Variants in MYOT observed in about 807,000 individuals in gnomAD.
MYOT encodes the protein 57 kDa cytoskeletal protein.
In MYOT, 36 loss-of-function variants were observed where a neutral mutation model predicts 58.0. The observed-to-expected ratio is 0.62, with a 90% confidence interval of 0.48 to 0.82. The LOEUF (loss-of-function observed/expected upper bound fraction) is 0.82. Among genes scored for constraint, MYOT ranks in the 40% least tolerant of loss-of-function variants. The pLI is 0.00. For missense variants in MYOT, 505 were observed against 592.1 expected (o/e 0.85, Z 1.53); for synonymous variants, 218 against 204.6 (o/e 1.07, Z -0.56).
intron 2 of MYOT, among the ~76,000 whole-genome samples, chr5:137,874,401 A>C (rs1367473868): frequency 1.3e-5 from 2 of 152,320 alleles, no homozygotes; most frequent in East Asian, 3.9e-4. Context: ...CGGGAGGCAG[A>C]GGTTGCAGTG....
At chr5:137,881,258 A>C (rs1755420856) in intron 5 of MYOT, among the ~76,000 whole-genome samples, 1 of 152,258 alleles carries the variant, frequency 6.6e-6, no homozygotes, top group Admixed American at 6.5e-5. Context: ...AGATGTTTCT[A>C]AATTGCTACC....
chr5:137,876,528 G>A (rs1755226708), intron 3 of MYOT, among the ~76,000 whole-genome samples: 1 of 152,212 alleles, frequency 6.6e-6, no homozygotes, highest in African/African-American at 2.4e-5. Flanking sequence ...ACTTCTGGCT[G>A]GGTGCAGTGG....
intron 3 of MYOT, 126 bp downstream of exon 3, chr5:137,876,129 G>A (rs1427776516): frequency 3.0e-6 from 3 of 1,005,098 alleles, no homozygotes; most frequent in African/African-American, 3.3e-5. Flanking sequence ...TAAAAAGAAG[G>A]AATATTTGGG....
At chr5:137,875,051 T>C (rs1051859513) in intron 2 of MYOT, among the ~76,000 whole-genome samples, 2 of 152,176 alleles carry the variant, frequency 1.3e-5, no homozygotes, top group African/African-American at 4.8e-5. Flanking sequence ...TAACATGAAA[T>C]CATAGGAAGC....
chr5:137,881,726 T>C (rs1398120988), intron 5 of MYOT, among the ~76,000 whole-genome samples: 2 of 152,146 alleles, frequency 1.3e-5, no homozygotes, highest in Non-Finnish European at 2.9e-5. Flanking sequence ...AGACAGACTC[T>C]CACTCTGTCA....
At chr5:137,876,032 G>C in intron 3 of MYOT, 29 bp downstream of exon 3, 1 of 1,610,656 alleles carries the variant, frequency 6.2e-7, no homozygotes, top group Non-Finnish European at 8.5e-7. Context: ...TTGTACAAAA[G>C]GCCAATTAAA....
In MYOT at chr5:137,882,114, AG is replaced by A. The variant is rs1219090766; in HGVS notation, c.816+12del. ...GCAGAATGGACTTCAAAGTAAGAGA[AG>A]GGTTCAAAAGTACTGGGGGAAAATT... On this transcript the variant is annotated intron_variant, in intron 6 of 9. Coordinates refer to ENST00000239926, the MANE Select transcript of MYOT (RefSeq NM_006790.3). 1 of 1,614,098 alleles carries A rather than the reference AG, an allele frequency of 6.2e-7. No homozygotes were observed. The highest frequency in any genetic ancestry group is 8.5e-7 in the Non-Finnish European group (1 of 1,179,944).
chr5:137,886,772 G>GT, intron 8 of MYOT, 92 bp from the exon 9 acceptor site: 1 of 968,648 alleles, frequency 1.0e-6, no homozygotes, highest in Non-Finnish European at 1.6e-6. Context: ...ATTTTCAAAT[G>GT]TTTTTTTCTT....
chr5:137,877,415 GA>G, intron 3 of MYOT, 104 bp from the exon 4 acceptor site: 1 of 568,912 alleles, frequency 1.8e-6, no homozygotes, highest in African/African-American at 2.0e-5. Flanking sequence ...TCAATAGATA[GA>G]ACTATGCTTC....
At chr5:137,880,691 G>A (rs569488292) in intron 4 of MYOT, 125 bp from the exon 5 acceptor site, 1 of 773,760 alleles carries the variant, frequency 1.3e-6, no homozygotes, top group East Asian at 2.7e-5. Flanking sequence ...TGAATATATA[G>A]AACTTACCAG....
At chr5:137,883,307 A>C (rs1431030311) in intron 6 of MYOT, 77 bp from the exon 7 acceptor site, 20 of 1,258,564 alleles carry the variant, frequency 1.6e-5, no homozygotes, top group Non-Finnish European at 2.3e-5. Context: ...GAACTGTTTA[A>C]ATTCATATAT....
At chr5:137,885,961 C>A (rs1450782848) in intron 7 of MYOT, 87 bp from the exon 8 acceptor site, 2 of 878,136 alleles carry the variant, frequency 2.3e-6, no homozygotes, top group Non-Finnish European at 3.5e-6. Context: ...ATTTTAATAT[C>A]AACATACAAA....
chr5:137,885,771 C>CAAAAAAAAAA (rs71583286), intron 7 of MYOT, among the ~76,000 whole-genome samples: 6 of 30,976 alleles, frequency 1.9e-4, no homozygotes, highest in Non-Finnish European at 3.0e-4. Flanking sequence ...GACTCTGTCT[C>CAAAAAAAAAA]AAAAAAAAAA....
At position 137,883,581 on chromosome 5, in the gene MYOT, G is replaced by A; in HGVS notation, c.1014G>A (p.Leu338=). 1 of 1,614,054 alleles carries A rather than the reference G, an allele frequency of 6.2e-7. No homozygotes were observed. The part of the protein sequence containing the change: ...RAGEATFTVQ[L]DVLAKEHKRA... ...GAGAAGCCACCTTCACTGTGCAGCTGGATGTCCTTGGTAAGCCTCCAAAGA... is the reference window on the plus strand; with the variant it reads ...GAGAAGCCACCTTCACTGTGCAGCTAGATGTCCTTGGTAAGCCTCCAAAGA... Residue 338 remains leucine (L), a synonymous_variant, in exon 7 of 10, where the codon CTG becomes CTA. Coordinates refer to ENST00000239926, the MANE Select transcript of MYOT (RefSeq NM_006790.3).
intron 2 of MYOT, among the ~76,000 whole-genome samples, chr5:137,873,225 A>T (rs902915016): frequency 2.0e-4 from 20 of 100,226 alleles, no homozygotes; most frequent in African/African-American, 3.6e-4. Context: ...AGCATTTTTA[A>T]AAAAAAAAAA....
At chr5:137,880,408 A>G (rs971046306) in intron 4 of MYOT, among the ~76,000 whole-genome samples, 1 of 152,226 alleles carries the variant, frequency 6.6e-6, no homozygotes, top group Non-Finnish European at 1.5e-5. Flanking sequence ...TTTGAGCAGC[A>G]GGCATAATAC....
chr5:137,880,892 G>T, intron 5 of MYOT, 27 bp downstream of exon 5: 1 of 1,478,050 alleles, frequency 6.8e-7, no homozygotes, highest in Non-Finnish European at 9.4e-7. Flanking sequence ...TTAAAGAAAT[G>T]TATGTTTTCC....
chr5:137,886,918 G>A lies in MYOT; in HGVS notation c.1245G>A (p.Lys415=). The change falls in exon 9 of 10, where the codon AAG becomes AAA. Residue 415 remains lysine (K), a synonymous_variant. Transcript: ENST00000239926. ...CTTTACTGATAAAAGATGTAAACAA[G>A]AAAGATGCTGGGTGGTATACTGTGT... ...RVTLLIKDVN[K]KDAGWYTVSA... 1.9e-6 allele frequency: 3 copies of A among 1,601,596 alleles called. No individual in the cohort carries two copies. Among genetic ancestry groups the A allele is most frequent in the African/African-American group, 2.7e-5 (2 of 74,770 alleles).
intron 2 of MYOT, among the ~76,000 whole-genome samples, chr5:137,874,576 G>A (rs1307923408): frequency 1.3e-5 from 2 of 152,114 alleles, no homozygotes; most frequent in East Asian, 1.9e-4. Flanking sequence ...CTACCTAACA[G>A]ATCTAAAAAT....
Sources: gnomAD v4.1 joint callset for allele counts (sites outside exome capture counted in the v4.1 genomes callset) on GRCh38, gnomAD v4.1.1 for gene constraint, MANE v1.5 for transcripts, NCBI Gene and HGNC (gene_info 2026-07-23, HGNC 2026-07-21) for gene names.